COL5A2: variants seen among roughly 807,000 people sequenced by gnomAD.
COL5A2 encodes collagen alpha-2(V) chain.
Under a neutral mutation model 208.2 loss-of-function variants are expected in COL5A2, and 23 were observed. The ratio of observed to expected loss-of-function variants is 0.11; its 90% CI spans 0.08 to 0.16. The LOEUF is 0.16. Among genes scored for constraint, COL5A2 ranks in the 10% least tolerant of loss-of-function variants. The pLI, the probability that COL5A2 is intolerant of heterozygous loss-of-function variation, is 1.00. For synonymous variants in COL5A2, 625 were observed against 628.5 expected (o/e 0.99, Z 0.08); for missense variants, 1,590 against 1,956.4 (o/e 0.81, Z 3.53).
the COL5A2 span, among the ~76,000 whole-genome samples, chr2:189,273,543 C>A: frequency 6.6e-6 from 1 of 152,190 alleles, no homozygotes; most frequent in East Asian, 1.9e-4. Context: ...GAGCTATCTA[C>A]ACTCTCATGT....
the COL5A2 span, among the ~76,000 whole-genome samples, chr2:189,276,087 G>C: frequency 6.6e-6 from 1 of 152,100 alleles, no homozygotes; most frequent in South Asian, 2.1e-4. Flanking sequence ...AATTTAATAT[G>C]GTTTAGACTA....
intron 1 of COL5A2, among the ~76,000 whole-genome samples, chr2:189,221,785 A>G (rs559641552): frequency 1.3e-5 from 2 of 152,284 alleles, no homozygotes; most frequent in Admixed American, 1.3e-4. Flanking sequence ...TACTTCTGTT[A>G]TCTACCCCTC....
At chr2:189,354,505 C>T in the COL5A2 span, among the ~76,000 whole-genome samples, 2 of 151,906 alleles carry the variant, frequency 1.3e-5, no homozygotes, top group African/African-American at 4.8e-5. Flanking sequence ...GTTTAGACTT[C>T]GGAGGGTGTA....
intron 1 of COL5A2, among the ~76,000 whole-genome samples, chr2:189,126,433 GTTTT>G (rs929251821): frequency 6.6e-6 from 1 of 151,856 alleles, no homozygotes; most frequent in African/African-American, 2.4e-5. Context: ...TTAAAAATAA[GTTTT>G]TTTATTTCTT....
intron 1 of COL5A2, among the ~76,000 whole-genome samples, chr2:189,157,108 A>G (rs960744073): frequency 1.0e-4 from 7 of 68,194 alleles, no homozygotes; most frequent in African/African-American, 2.3e-4. Context: ...GCTGTGAGAT[A>G]GATATATCGA....
At chr2:189,103,645 G>A (rs1467282520) in intron 3 of COL5A2, among the ~76,000 whole-genome samples, 2 of 152,082 alleles carry the variant, frequency 1.3e-5, no homozygotes, top group Admixed American at 1.3e-4. Context: ...AAGCTGACCA[G>A]CTATACTCGG....
chr2:189,062,666 A>T (rs930354053), intron 29 of COL5A2, among the ~76,000 whole-genome samples, 199 bp downstream of exon 29: 1 of 152,188 alleles, frequency 6.6e-6, no homozygotes, highest in Non-Finnish European at 1.5e-5. Flanking sequence ...AAGTAAAAAG[A>T]TCAATCATTA....
intron 1 of COL5A2, among the ~76,000 whole-genome samples, chr2:189,187,812 A>C (rs1688872122): frequency 6.6e-6 from 1 of 152,018 alleles, no homozygotes; most frequent in Non-Finnish European, 1.5e-5. Flanking sequence ...TACTAAAAAA[A>C]CAAAAAATTA....
At chr2:189,195,545 C>A (rs1479890790) in intron 1 of COL5A2, among the ~76,000 whole-genome samples, 1 of 152,106 alleles carries the variant, frequency 6.6e-6, no homozygotes, top group African/African-American at 2.4e-5. Flanking sequence ...GGAGGCATCA[C>A]CCTACCTGAC....
At chr2:189,303,434 A>C in the COL5A2 span, among the ~76,000 whole-genome samples, 3 of 152,030 alleles carry the variant, frequency 2.0e-5, no homozygotes, top group Non-Finnish European at 4.4e-5. Context: ...GCCCCCCAAA[A>C]CTGTTCCTGG....
intron 11 of COL5A2, 131 bp downstream of exon 11, chr2:189,085,029 T>C: frequency 1.3e-6 from 1 of 745,918 alleles, no homozygotes; most frequent in South Asian, 1.5e-5. Flanking sequence ...AGTGCTCCTG[T>C]TTACATTGAA....
intron 43 of COL5A2, 59 bp from the exon 44 acceptor site, chr2:189,049,513 A>G (rs111488732): frequency 1.4e-6 from 2 of 1,380,664 alleles, no homozygotes; most frequent in Admixed American, 3.7e-5. Context: ...GCTAGTTCCC[A>G]TAAAGGCTAA....
intron 1 of COL5A2, among the ~76,000 whole-genome samples, chr2:189,175,346 C>A (rs1688655280): frequency 6.6e-6 from 1 of 151,944 alleles, no homozygotes. Context: ...CCTCTATCCA[C>A]ATGCCTAGAA....
chr2:189,047,568 T>C (rs1685696779), intron 45 of COL5A2, among the ~76,000 whole-genome samples: 1 of 152,166 alleles, frequency 6.6e-6, no homozygotes, highest in Non-Finnish European at 1.5e-5. Context: ...GCTAATTACT[T>C]AGGGAAACAA....
intron 1 of COL5A2, among the ~76,000 whole-genome samples, chr2:189,113,656 T>A (rs988422285): frequency 1.3e-4 from 19 of 149,056 alleles, no homozygotes; most frequent in African/African-American, 4.4e-4. Context: ...ATTGTATAAA[T>A]CTTGAAGGAG....
intron 1 of COL5A2, among the ~76,000 whole-genome samples, chr2:189,194,339 A>T (rs1017420703): frequency 2.6e-5 from 4 of 152,206 alleles, no homozygotes; most frequent in East Asian, 1.9e-4. Flanking sequence ...GAAAATATTT[A>T]AAAAATCATT....
intron 1 of COL5A2, among the ~76,000 whole-genome samples, chr2:189,177,809 G>T (rs559692431): frequency 1.1e-4 from 16 of 152,184 alleles, no homozygotes; most frequent in African/African-American, 3.6e-4. Flanking sequence ...AACTATTTGG[G>T]AATGTCTTTT....
Position 189,063,265 on chromosome 2 carries a change from C to G in COL5A2, c.1776G>C (p.Ala592=), listed in dbSNP as rs773332771. The G allele has an allele frequency of 6.2e-7, 1 of 1,613,592 alleles. No individual in the cohort carries two copies. The highest frequency in any genetic ancestry group is 8.5e-7 in the Non-Finnish European group (1 of 1,179,804). ...GPEGKLGPLG[A]PGEDGRPGPP... is the part of the protein sequence containing the mutation. ...GACCTGGACGGCCATCTTCCCCTGG[C>G]GCACCCTATAGAATTGACAGGAGCC... The change falls in exon 27 of 54, where the codon GCG becomes GCC. Residue 592 remains alanine, a synonymous_variant. Coordinates refer to ENST00000374866, the MANE Select transcript of COL5A2 (RefSeq NM_000393.5).
At chr2:189,380,852 G>A in the COL5A2 span, among the ~76,000 whole-genome samples, 1 of 151,756 alleles carries the variant, frequency 6.6e-6, no homozygotes, top group Non-Finnish European at 1.5e-5. Flanking sequence ...GTAATTTGTA[G>A]AAATTTTGAA....
Sources: gnomAD v4.1 joint callset for allele counts (sites outside exome capture counted in the v4.1 genomes callset) on GRCh38, gnomAD v4.1.1 for gene constraint, MANE v1.5 for transcripts, NCBI Gene and HGNC (gene_info 2026-07-23, HGNC 2026-07-21) for gene names.